BTD: variants seen among roughly 807,000 people sequenced by gnomAD.
The protein encoded by BTD is biotinidase.
A neutral mutation model predicts 17.7 loss-of-function variants in BTD; 13 were observed. The ratio of observed to expected loss-of-function variants is 0.74; its 90% CI spans 0.48 to 1.17. The LOEUF is 1.17. Among genes scored for constraint, BTD ranks in the 50% most tolerant of loss-of-function variants. The pLI is 0.00. For missense variants in BTD, 674 were observed against 650.4 expected, an observed-to-expected ratio of 1.04 and a Z score of -0.39; for synonymous variants, 240 against 245.2, an observed-to-expected ratio of 0.98 and a Z score of 0.20.
intron 3 of BTD, chr3:15,708,087 A>G: frequency 6.3e-7 from 1 of 1,581,794 alleles, no homozygotes; most frequent in East Asian, 2.3e-5. Context: ...AGTTAATACA[A>G]GAAAGATAAA....
Position 15,667,833 on chromosome 3 carries a change from T to C in BTD, c.399+25776T>C, listed in dbSNP as rs143039577. On this transcript the variant is annotated intron_variant, in intron 3 of 3. Coordinates refer to the BTD transcript ENST00000672141. The stretch of plus-strand genomic sequence containing the variant: ...TCATTTACATATAAGTGATGCAGGA[T>C]AGAAGTTCTGGTGTATGTGATAAAT... 15 of 152,374 alleles carry C rather than the reference T, an allele frequency of 9.8e-5. 1 individual carries two copies. Among genetic ancestry groups the C allele is most frequent in the African/African-American group, 3.4e-4 (14 of 41,598 alleles). 9.4% of individuals were successfully genotyped at this position (152,374 alleles called of 1,614,324 possible). A position where few individuals can be genotyped will look rare whatever the true frequency, so the allele number is the denominator to read the frequency against.
At chr3:15,628,687 C>A (rs543300273) in intron 1 of BTD, among the ~76,000 whole-genome samples, 7 of 152,326 alleles carry the variant, frequency 4.6e-5, no homozygotes, top group Admixed American at 2.6e-4. Flanking sequence ...CCAGGACTGA[C>A]TGACAGTGGA....
chr3:15,626,317 G>T (rs1400603301), intron 1 of BTD, among the ~76,000 whole-genome samples: 1 of 152,194 alleles, frequency 6.6e-6, no homozygotes, highest in Non-Finnish European at 1.5e-5. Context: ...TCTACTTTAA[G>T]AGTAACTTCT....
intron 1 of BTD, among the ~76,000 whole-genome samples, chr3:15,616,173 G>A (rs907682442): frequency 3.3e-5 from 5 of 152,134 alleles, no homozygotes; most frequent in African/African-American, 7.2e-5. Context: ...CAAAGAATAC[G>A]ATTGCTGAAT....
chr3:15,670,674 TA>T, intron 3 of BTD: 1 of 1,040,636 alleles, frequency 9.6e-7, no homozygotes, highest in Non-Finnish European at 1.4e-6. Context: ...TAGCTTATAA[TA>T]AATTGCTGTA....
At chr3:15,625,663 C>T (rs1477350763) in intron 1 of BTD, among the ~76,000 whole-genome samples, 1 of 152,196 alleles carries the variant, frequency 6.6e-6, no homozygotes, top group Non-Finnish European at 1.5e-5. Context: ...TCAAGCAATT[C>T]TCCTGTCTCG....
intron 3 of BTD, chr3:15,676,966 G>C (rs746995363): frequency 1.2e-6 from 2 of 1,607,638 alleles, no homozygotes; most frequent in Non-Finnish European, 8.5e-7. Flanking sequence ...GATACTGACA[G>C]TACTCACGTT....
Position 15,641,215 on chromosome 3 carries a change from C to T in BTD, c.250-693C>T, listed in dbSNP as rs138422214. The stretch of plus-strand genomic sequence containing the variant: ...AAGGCCTTTAGGGTGGTCAGAGTCC[C>T]GAAGGGAGCCTCCTAATTCCCAGTT... On this transcript the variant is annotated intron_variant, in intron 2 of 3. Coordinates refer to ENST00000643237, the MANE Select transcript of BTD (RefSeq NM_001370658.1). Among the ~76,000 whole-genome samples the T allele has an allele frequency of 2.7e-3, 404 of 152,274 alleles. 5 individuals are homozygous for T. The highest frequency in any genetic ancestry group is 0.022 in the Admixed American group (335 of 15,288).
intron 3 of BTD, among the ~76,000 whole-genome samples, chr3:15,644,014 ATTTT>A (rs2065616077): frequency 1.9e-5 from 2 of 106,048 alleles, no homozygotes; most frequent in South Asian, 7.1e-4. Flanking sequence ...TTATTTATTT[ATTTT>A]GAGACGGAGT....
intron 3 of BTD, chr3:15,684,459 T>C (rs1367531947): frequency 6.6e-6 from 1 of 152,204 alleles, no homozygotes; most frequent in East Asian, 1.9e-4. Flanking sequence ...AACATGGATA[T>C]TACTGGTAAT....
intron 3 of BTD, among the ~76,000 whole-genome samples, chr3:15,673,716 G>C (rs529877847): frequency 1.6e-4 from 25 of 152,270 alleles, no homozygotes; most frequent in African/African-American, 5.8e-4. Flanking sequence ...TTAGTCATGG[G>C]ATGTTTGGGG....
chr3:15,628,761 CT>C (rs916313834), intron 1 of BTD, among the ~76,000 whole-genome samples: 7 of 152,300 alleles, frequency 4.6e-5, no homozygotes, highest in African/African-American at 1.7e-4. Flanking sequence ...TAGTTTAAGA[CT>C]TTTTCACAGT....
At chr3:15,610,300 T>C (rs561585419) in intron 1 of BTD, among the ~76,000 whole-genome samples, 41 of 152,312 alleles carry the variant, frequency 2.7e-4, no homozygotes, top group African/African-American at 8.9e-4. Flanking sequence ...GACTTCTTCA[T>C]TGGATGGCAG....
At chr3:15,708,968 T>C (rs1415474515) in intron 3 of BTD, among the ~76,000 whole-genome samples, 1 of 152,218 alleles carries the variant, frequency 6.6e-6, no homozygotes, top group Admixed American at 6.5e-5. Flanking sequence ...CTGTCATCTC[T>C]TTCAAACCAA....
At position 15,662,478 on chromosome 3, in the gene BTD, ATTAC is replaced by A. The variant is rs1294794302; in HGVS notation, c.399+20425_399+20428del. Among the ~76,000 whole-genome samples the A allele has an allele frequency of 1.2e-4, 18 of 152,332 alleles. 2 individuals are homozygous for A. The South Asian group carries it at 3.3e-3, about 28-fold the overall frequency. On this transcript the variant is annotated intron_variant, in intron 3 of 3. Coordinates refer to the BTD transcript ENST00000672141. ...CCTTGTATCTTGCAATACTGGTATA[ATTAC>A]TTATTAGTTCCAACTTTTAAAATTC... is the stretch of plus-strand genomic sequence containing the variant.
In BTD at chr3:15,630,049, C is replaced by T. The variant is rs975696980; in HGVS notation, c.-16-5375C>T. On this transcript the variant is annotated intron_variant, in intron 1 of 3. Coordinates refer to ENST00000643237, the MANE Select transcript of BTD (RefSeq NM_001370658.1). ...TGTGTGTCACAGGGGGAATGGGCAG[C>T]GTCACTTTTTACATCCAGTCATATT... 12 of 985,300 alleles carry T rather than the reference C, an allele frequency of 1.2e-5. No homozygotes were observed. In the South Asian group the frequency reaches 1.9e-4, roughly 15 times the overall value. The allele number at this position is 985,300 out of a possible 1,614,324, so 61.0% of individuals were successfully genotyped here.
In BTD at chr3:15,642,020, A is replaced by G; in HGVS notation, c.362A>G (p.Asn121Ser). The G allele has an allele frequency of 6.2e-7, 1 of 1,614,178 alleles. No homozygotes were observed. Among genetic ancestry groups the G allele is most frequent in the South Asian group, 1.1e-5 (1 of 91,080 alleles). The change falls in exon 3 of 4, where the codon AAC becomes AGC. Residue 121 changes from asparagine to serine, a missense_variant. Transcript: ENST00000643237. ...CCGTCTCCCCAGGTGGTCAGGTGGA[A>G]CCCATGCCTGGAGCCTCACCGCTTC... ...FMPSPQVVRW[N>S]PCLEPHRFND...
intron 3 of BTD, among the ~76,000 whole-genome samples, chr3:15,681,893 T>C (rs944615237): frequency 4.6e-5 from 7 of 152,166 alleles, no homozygotes; most frequent in African/African-American, 1.7e-4. Flanking sequence ...GAGAGTCCCT[T>C]GCAACAATCA....
At chr3:15,617,127 C>G (rs1312210041) in intron 1 of BTD, among the ~76,000 whole-genome samples, 1 of 152,206 alleles carries the variant, frequency 6.6e-6, no homozygotes, top group Non-Finnish European at 1.5e-5. Context: ...GCCACCATGC[C>G]CGGCCTTTTG....
Sources: allele counts gnomAD v4.1 joint callset (sites outside exome capture counted in the v4.1 genomes callset), GRCh38; gene constraint gnomAD v4.1.1; transcripts MANE v1.5; gene names NCBI Gene and HGNC (gene_info 2026-07-23, HGNC 2026-07-21).